The following CFAP61 variants were observed in gnomAD, a reference collection of about 807,000 sequenced individuals.
CFAP61 encodes cilia and flagella associated protein 61.
Under a neutral mutation model 135.6 loss-of-function variants are expected in CFAP61, and 107 were observed. That is an observed-to-expected ratio of 0.79 (90% CI 0.67 to 0.93). The LOEUF (loss-of-function observed/expected upper bound fraction) is 0.93. Among genes scored for constraint, CFAP61 ranks in the 40% least tolerant of loss-of-function variants. The probability of loss-of-function intolerance (pLI) is 0.00; values close to 1 mark genes in which losing one functional copy is unlikely to be tolerated. For synonymous variants in CFAP61, 575 were observed against 578.5 expected, an observed-to-expected ratio of 0.99 and a Z score of 0.09; for missense variants, 1,507 against 1,556.2, an observed-to-expected ratio of 0.97 and a Z score of 0.53.
At chr20:20,279,021 C>T (rs944403913) in intron 22 of CFAP61, among the ~76,000 whole-genome samples, 1 of 152,098 alleles carries the variant, frequency 6.6e-6, no homozygotes, top group African/African-American at 2.4e-5. Flanking sequence ...AATATTTTTG[C>T]ACAAATTTTC....
At chr20:20,101,080 A>G (rs1156728329) in intron 8 of CFAP61, among the ~76,000 whole-genome samples, 1 of 152,218 alleles carries the variant, frequency 6.6e-6, no homozygotes, top group African/African-American at 2.4e-5. Context: ...TGAGTCACAA[A>G]TCATCAACAG....
intron 18 of CFAP61, among the ~76,000 whole-genome samples, chr20:20,242,659 A>G (rs528259160): frequency 6.6e-6 from 1 of 152,290 alleles, no homozygotes; most frequent in Non-Finnish European, 1.5e-5. Flanking sequence ...TATCCCTAGC[A>G]TAAATTGTGT....
intron 20 of CFAP61, among the ~76,000 whole-genome samples, chr20:20,258,006 T>G (rs990828364): frequency 3.9e-5 from 6 of 152,266 alleles, no homozygotes; most frequent in African/African-American, 1.4e-4. Context: ...ACAGACACAA[T>G]GGTTAAAAGT....
At chr20:20,182,809 A>C (rs2055201441) in intron 13 of CFAP61, among the ~76,000 whole-genome samples, 1 of 152,240 alleles carries the variant, frequency 6.6e-6, no homozygotes, top group Admixed American at 6.5e-5. Context: ...GTTTGCTATG[A>C]GAATGCTTTA....
At chr20:20,278,091 G>T (rs2053909718) in intron 22 of CFAP61, among the ~76,000 whole-genome samples, 1 of 152,228 alleles carries the variant, frequency 6.6e-6, no homozygotes, top group Non-Finnish European at 1.5e-5. Context: ...GGAGGTCAAA[G>T]ATTTGAATGG....
intron 17 of CFAP61, among the ~76,000 whole-genome samples, chr20:20,222,573 TA>T (rs1407979374): frequency 2.5e-4 from 38 of 152,302 alleles, no homozygotes; most frequent in African/African-American, 9.1e-4. Flanking sequence ...GAATCCTTCA[TA>T]AAGCAAGTCT....
chr20:20,147,190 T>A (rs912679425), intron 9 of CFAP61, among the ~76,000 whole-genome samples: 11 of 152,376 alleles, frequency 7.2e-5, no homozygotes, highest in Middle Eastern at 3.4e-3. Flanking sequence ...CAATTGCAGA[T>A]TGTCCTGCTG....
At chr20:20,278,121 AG>A (rs1363562759) in intron 22 of CFAP61, among the ~76,000 whole-genome samples, 1 of 152,186 alleles carries the variant, frequency 6.6e-6, no homozygotes, top group African/African-American at 2.4e-5. Context: ...CTCTTTACGG[AG>A]AGCTTGCCAT....
chr20:20,286,650 A>G (rs1234482425), intron 22 of CFAP61, among the ~76,000 whole-genome samples: 3 of 152,264 alleles, frequency 2.0e-5, no homozygotes, highest in Non-Finnish European at 4.4e-5. Context: ...CTGGCGTTAC[A>G]GAAGCACATA....
intron 13 of CFAP61, among the ~76,000 whole-genome samples, chr20:20,187,311 T>A (rs367869596): frequency 6.6e-5 from 10 of 152,292 alleles, no homozygotes; most frequent in African/African-American, 2.2e-4. Flanking sequence ...ATGGGGAGGC[T>A]GTCTAGGGCC....
At chr20:20,316,590 G>A in intron 25 of CFAP61, among the ~76,000 whole-genome samples, 1 of 151,616 alleles carries the variant, frequency 6.6e-6, no homozygotes, top group East Asian at 2.0e-4. Flanking sequence ...AATAGGAGTG[G>A]TGAGAGAGGG....
intron 26 of CFAP61, among the ~76,000 whole-genome samples, chr20:20,350,604 G>C (rs2058799961): frequency 6.6e-6 from 1 of 152,194 alleles, no homozygotes; most frequent in African/African-American, 2.4e-5. Flanking sequence ...ACTCCAACCT[G>C]GGTGACAGAA....
chr20:20,088,441 C>T (rs1369512746), intron 6 of CFAP61, among the ~76,000 whole-genome samples: 1 of 152,108 alleles, frequency 6.6e-6, no homozygotes, highest in Non-Finnish European at 1.5e-5. Flanking sequence ...TCTTTCTTCA[C>T]AAGGCAGCAA....
At chr20:20,308,888 T>G (rs1445914127) in intron 25 of CFAP61, among the ~76,000 whole-genome samples, 1 of 152,220 alleles carries the variant, frequency 6.6e-6, no homozygotes, top group African/African-American at 2.4e-5. Context: ...GAGTTTAAAA[T>G]AATAGCTGAT....
chr20:20,260,858 T>C (rs1044932608), intron 20 of CFAP61, among the ~76,000 whole-genome samples: 1 of 152,260 alleles, frequency 6.6e-6, no homozygotes, highest in African/African-American at 2.4e-5. Flanking sequence ...TTTTCTTTTA[T>C]GCTACAATGC....
chr20:20,236,613 C>G (rs532580440), intron 18 of CFAP61, among the ~76,000 whole-genome samples: 1 of 152,224 alleles, frequency 6.6e-6, no homozygotes, highest in East Asian at 1.9e-4. Flanking sequence ...AAGCATTTCA[C>G]GAAGTCTCAT....
intron 22 of CFAP61, among the ~76,000 whole-genome samples, chr20:20,284,263 T>C (rs6046783): frequency 3.9e-3 from 325 of 82,676 alleles, no homozygotes; most frequent in Middle Eastern, 0.014. Context: ...TATTTTATTT[T>C]ATTTTATTTT....
chr20:20,342,010 C>G, intron 26 of CFAP61, 89 bp downstream of exon 26: 2 of 838,916 alleles, frequency 2.4e-6, no homozygotes, highest in Non-Finnish European at 3.7e-6. Flanking sequence ...CCCTACATTC[C>G]CATTTTATGG....
At chr20:20,294,778 A>G (rs2055276405) in intron 24 of CFAP61, among the ~76,000 whole-genome samples, 1 of 151,196 alleles carries the variant, frequency 6.6e-6, no homozygotes, top group Non-Finnish European at 1.5e-5. Flanking sequence ...AATACAAAAA[A>G]TTAGCCGGGC....
Sources: gnomAD v4.1 joint callset for allele counts (sites outside exome capture counted in the v4.1 genomes callset) on GRCh38, gnomAD v4.1.1 for gene constraint, MANE v1.5 for transcripts, NCBI Gene and HGNC (gene_info 2026-07-23, HGNC 2026-07-21) for gene names.